Variants in CDK11A observed in about 807,000 individuals in gnomAD.
CDK11A encodes cyclin-dependent kinase 11A.
A neutral mutation model predicts 83.6 loss-of-function variants in CDK11A; 55 were observed. That is an observed-to-expected ratio of 0.66 (90% CI 0.53 to 0.82). CDK11A has a LOEUF of 0.82. Ranked by LOEUF, CDK11A falls within the 40% of genes least tolerant of loss-of-function variation. CDK11A has a pLI of 0.00. For synonymous variants in CDK11A, 247 were observed against 302.7 expected (o/e 0.82, Z 1.91); for missense variants, 564 against 810.1 (o/e 0.70, Z 3.69).
At position 1,719,485 on chromosome 1, in the gene CDK11A, T is replaced by C. The variant is rs187770842; in HGVS notation, c.228-30A>G. ...AATAAAACACAACAGCACTGCGTCATGCTTGAGAAAGTGCGGAAAAGCATC... is the reference window on the plus strand; with the variant it reads ...AATAAAACACAACAGCACTGCGTCACGCTTGAGAAAGTGCGGAAAAGCATC... On this transcript the variant is annotated intron_variant, in intron 3 of 19. Transcript: ENST00000404249. The C allele has an allele frequency of 9.4e-5, 132 of 1,398,970 alleles. 3 individuals are homozygous for C. In the East Asian group the frequency reaches 3.3e-3, roughly 35 times the overall value. The allele number at this position is 1,398,970 out of a possible 1,614,324, so 86.7% of individuals were successfully genotyped here.
chr1:1,722,284 G>T (rs1644934510), intron 2 of CDK11A, among the ~76,000 whole-genome samples: 1 of 150,662 alleles, frequency 6.6e-6, no homozygotes, highest in Non-Finnish European at 1.5e-5. Context: ...CTTAGCAAAA[G>T]AGGTACTTTG....
intron 3 of CDK11A, among the ~76,000 whole-genome samples, 161 bp from the exon 4 acceptor site, chr1:1,719,616 T>A (rs1312871233): frequency 3.4e-5 from 1 of 29,274 alleles, no homozygotes. Context: ...TTCAGGCATC[T>A]TTTTTTTTTT....
rs80025167 is a variant in CDK11A, at chr1:1,714,072, C to G, written c.489-1672G>C. On this transcript the variant is annotated intron_variant, in intron 5 of 19. Transcript: ENST00000404249. ...ATGGGATGGGTCATTCTTCTCTGAG[C>G]CCTTTCAACATTTTCTCTTTGGCCT... is the stretch of plus-strand genomic sequence containing the variant. Among the ~76,000 whole-genome samples, 187 of 41,750 alleles carry G rather than the reference C, an allele frequency of 4.5e-3. 61 individuals are homozygous for G. The highest frequency in any genetic ancestry group is 0.014 in the Non-Finnish European group (98 of 6,802). 27.4% of individuals were successfully genotyped at this position (41,750 alleles called of 152,430 possible).
In CDK11A at chr1:1,704,054, C is replaced by T; in HGVS notation, c.1779G>A (p.Leu593=). ...CAGGACTCACCTTGGCACCAAGCAG[C>T]AGCTCTGGGGCGCGGTACCACTGGG... The part of the protein sequence containing the change: ...VVTQWYRAPE[L]LLGAKEYSTA... Residue 593 remains leucine, a synonymous_variant, in exon 16 of 20, where the codon CTG becomes CTA. Coordinates refer to ENST00000404249, the MANE Select transcript of CDK11A (RefSeq NM_024011.4). 6.3e-7 allele frequency: 1 copy of T among 1,595,612 alleles called. No homozygotes were observed. Among genetic ancestry groups the T allele is most frequent in the Non-Finnish European group, 8.6e-7 (1 of 1,168,754 alleles).
intron 3 of CDK11A, 112 bp from the exon 4 acceptor site, chr1:1,719,567 G>T: frequency 1.1e-5 from 8 of 716,206 alleles, no homozygotes; most frequent in East Asian, 7.6e-5. Flanking sequence ...TAGGAACGAA[G>T]CTGAAACATC....
At chr1:1,715,316 G>C (rs971029687) in intron 5 of CDK11A, among the ~76,000 whole-genome samples, 2 of 127,950 alleles carry the variant, frequency 1.6e-5, no homozygotes, top group African/African-American at 5.4e-5. Flanking sequence ...ATCTGAATCG[G>C]CCCTACCCAG....
rs566656933 is a variant in CDK11A at position 1,703,685 on chromosome 1, C to A, written c.1912-61G>T. 37 of 1,544,484 alleles carry A rather than the reference C, an allele frequency of 2.4e-5. 2 individuals are homozygous for A. In the African/African-American group the frequency reaches 4.7e-4, roughly 19 times the overall value. On this transcript the variant is annotated intron_variant, in intron 17 of 19. Transcript: ENST00000404249. ...TGGCCCACAGTGTTGGCACCTGTGT[C>A]CCGTCAGAGAAGACAAGCCACCAGG... is the stretch of plus-strand genomic sequence containing the variant.
Position 1,704,627 on chromosome 1 carries a change from T to C in CDK11A, c.1487A>G (p.Lys496Arg), listed in dbSNP as rs368047902. Residue 496 changes from lysine (K) to arginine (R), a missense_variant, in exon 14 of 20, where the codon AAG (lysine) becomes AGG (arginine). Around this residue, in one of 5 missense-constraint regions of CDK11A, gnomAD observed 361 missense variants for 402.7 expected, o/e 0.90. Coordinates refer to ENST00000404249, the MANE Select transcript of CDK11A (RefSeq NM_024011.4). ...REIVVGSNMD[K>R]IYIVMNYVEH... The stretch of plus-strand genomic sequence containing the variant: ...CACGTAGTTCATCACGATGTAGATC[T>C]TGTCCATGTTGCTGCCCACCACAAT... The C allele has an allele frequency of 3.3e-5, 52 of 1,599,012 alleles. 3 individuals are homozygous for C. The highest frequency in any genetic ancestry group is 4.3e-5 in the Non-Finnish European group (50 of 1,172,026).
Position 1,703,098 on chromosome 1 carries a change from G to C in CDK11A, c.2232C>G (p.Gly744=). 2.5e-6 allele frequency: 1 copy of C among 400,068 alleles called. No individual in the cohort carries two copies. Among genetic ancestry groups the C allele is most frequent in the East Asian group, 3.5e-5 (1 of 28,248 alleles). The allele number at this position is 400,068 out of a possible 1,614,324, so 24.8% of individuals were successfully genotyped here. A position where few individuals can be genotyped will look rare whatever the true frequency, so the allele number is the denominator to read the frequency against. ...CCCTCACCAGCTGGCTGTAGCCCAG[G>C]CCTCCCTCAGGGGGCCTCGGGCTGG... is the stretch of plus-strand genomic sequence containing the variant. ...RGTSPRPPEG[G]LGYSQLGDDD... The change falls in exon 19 of 20, where the codon GGC becomes GGG. Residue 744 remains glycine (G), a synonymous_variant. Transcript: ENST00000404249.
rs1372399457 is a variant in CDK11A, at chr1:1,714,772, T to A, written c.488+1574A>T. On this transcript the variant is annotated intron_variant, in intron 5 of 19. Coordinates refer to ENST00000404249, the MANE Select transcript of CDK11A (RefSeq NM_024011.4). ...AACGTTCAGGCGTCATTCGCATCTGTGGCGGCTTCTATTTTCTGCTAGGTC... is the reference window on the plus strand; with the variant it reads ...AACGTTCAGGCGTCATTCGCATCTGAGGCGGCTTCTATTTTCTGCTAGGTC... Among the ~76,000 whole-genome samples the A allele has an allele frequency of 5.2e-5, 7 of 134,608 alleles. No homozygotes were observed. The East Asian group carries it at 1.3e-3, about 26-fold the overall frequency. The allele number at this position is 134,608 out of a possible 152,430, so 88.3% of individuals were successfully genotyped here. A position where few individuals can be genotyped will look rare whatever the true frequency, so the allele number is the denominator to read the frequency against.
chr1:1,706,502 T>C (rs1644316155), intron 11 of CDK11A, among the ~76,000 whole-genome samples: 5 of 151,192 alleles, frequency 3.3e-5, no homozygotes, highest in Admixed American at 1.3e-4. Context: ...TGAGCTATGA[T>C]TAAGCCACTC....
In CDK11A at chr1:1,716,367, C is replaced by G; in HGVS notation, c.467G>C (p.Arg156Thr). Residue 156 changes from arginine to threonine, a missense_variant, in exon 5 of 20, where the codon AGG becomes ACG. Transcript: ENST00000404249. ...TCACCTTTCTCTCCTGGAATGCTCC[C>G]TTGCCATTTCCCTTCTCTTCTGTCT... ...WERQKRREMA[R>T]EHSRRERDRL... is the part of the protein sequence containing the mutation. 1 of 1,609,246 alleles carries G rather than the reference C, an allele frequency of 6.2e-7. No homozygotes were observed. Among genetic ancestry groups the G allele is most frequent in the African/African-American group, 1.3e-5 (1 of 74,660 alleles).
At chr1:1,703,740 C>G in intron 17 of CDK11A, 84 bp downstream of exon 17, 2 of 1,564,726 alleles carry the variant, frequency 1.3e-6, no homozygotes, top group Admixed American at 1.9e-5. Flanking sequence ...GTCCCCATCT[C>G]AACCCAGCAC....
intron 4 of CDK11A, among the ~76,000 whole-genome samples, chr1:1,717,265 A>G (rs906405668): frequency 1.3e-5 from 2 of 151,252 alleles, no homozygotes; most frequent in African/African-American, 4.9e-5. Flanking sequence ...CAAAGACTAC[A>G]GAACAAAGCT....
intron 5 of CDK11A, among the ~76,000 whole-genome samples, chr1:1,714,888 C>G (rs2101247374): frequency 6.7e-6 from 1 of 149,042 alleles, no homozygotes; most frequent in East Asian, 2.0e-4. Context: ...GGCGGGATCA[C>G]AGCTGCTCCC....
rs1223470671 is a variant in CDK11A, at chr1:1,706,439, C to G, written c.1246-707G>C. On this transcript the variant is annotated intron_variant, in intron 11 of 19. Transcript: ENST00000404249. ...TGGCTTGCGCCTGTAGTTCCAGCTA[C>G]TCAGGAGGCTGAGATGGGAGGATTG... 5.9e-5 allele frequency among the ~76,000 whole-genome samples: 9 copies of G among 151,372 alleles called. 1 individual carries two copies. Among genetic ancestry groups the G allele is most frequent in the Non-Finnish European group, 1.3e-4 (9 of 67,788 alleles).
At chr1:1,721,986 C>A in intron 2 of CDK11A, 1 of 298,424 alleles carries the variant, frequency 3.4e-6, no homozygotes, top group Non-Finnish European at 6.4e-6. Flanking sequence ...CCCATCTCTA[C>A]TAAAAATACA....
chr1:1,707,572 C>T lies in CDK11A; in HGVS notation c.1082G>A (p.Arg361Gln), dbSNP rs756623988. The T allele has an allele frequency of 1.5e-5, 23 of 1,573,924 alleles. 1 individual carries two copies. Among genetic ancestry groups the T allele is most frequent in the South Asian group, 1.4e-4 (12 of 88,570 alleles). The change falls in exon 11 of 20, where the codon CGG becomes CAG. Residue 361 changes from arginine (R) to glutamine (Q), a missense_variant. This residue lies in a region of CDK11A where 21 missense variants were observed against 66.1 expected (regional missense o/e 0.32). Transcript: ENST00000404249. ...ACTCTCCCCGGAATCTCGGTCGAACCGTGACTCTGGAACTGGAAAAGTTGA... is the reference window on the plus strand; with the variant it reads ...ACTCTCCCCGGAATCTCGGTCGAACTGTGACTCTGGAACTGGAAAAGTTGA... ...ENHLLVVPES[R>Q]FDRDSGESEE...
At chr1:1,710,608 A>G (rs1159535871) in intron 6 of CDK11A, among the ~76,000 whole-genome samples, 12 of 148,210 alleles carry the variant, frequency 8.1e-5, no homozygotes, top group Admixed American at 4.1e-4. Context: ...TGTCCCATTC[A>G]GAGGGGAAAA....
Sources: gnomAD v4.1 joint callset for allele counts (sites outside exome capture counted in the v4.1 genomes callset) on GRCh38, gnomAD v4.1.1 for gene constraint, gnomAD v4.1.1 regional missense constraint, MANE v1.5 for transcripts, NCBI Gene and HGNC (gene_info 2026-07-23, HGNC 2026-07-21) for gene names.